Variants in EDA observed in about 807,000 individuals in gnomAD.
EDA encodes ectodysplasin-A.
EDA carries 2 observed loss-of-function variants against 23.6 expected under a neutral mutation model. The ratio of observed to expected loss-of-function variants is 0.08; its 90% CI spans 0.03 to 0.27. The LOEUF is 0.27. Ranked by LOEUF, EDA falls within the 10% of genes least tolerant of loss-of-function variation. The probability of loss-of-function intolerance (pLI) is 1.00; values close to 1 mark genes in which losing one functional copy is unlikely to be tolerated. For synonymous variants in EDA, 131 were observed against 132.0 expected (o/e 0.99, Z 0.05); for missense variants, 229 against 324.2 (o/e 0.71, Z 2.26).
intron 1 of EDA, among the ~76,000 whole-genome samples, chrX:69,898,910 G>A (rs2018059426): frequency 8.9e-6 from 1 of 111,880 alleles, no homozygotes; most frequent in Non-Finnish European, 1.9e-5. Flanking sequence ...AGGCTCTGAT[G>A]GAGACAGAGT....
At chrX:69,937,831 G>A in intron 1 of EDA, 1 of 1,194,235 alleles carries the variant, frequency 8.4e-7, no homozygotes, top group South Asian at 1.8e-5. Flanking sequence ...CGCAATAGTT[G>A]GTATTGATAG....
At chrX:69,820,924 G>T (rs2016203913) in intron 1 of EDA, among the ~76,000 whole-genome samples, 1 of 111,343 alleles carries the variant, frequency 9.0e-6, no homozygotes, top group African/African-American at 3.3e-5. Flanking sequence ...CTATTATAAA[G>T]ATACATGCAC....
intron 1 of EDA, chrX:69,861,157 T>A: frequency 6.1e-6 from 2 of 327,896 alleles, no homozygotes; most frequent in Non-Finnish European, 1.1e-5. Context: ...AAATTTGAGA[T>A]GTAAGACAGA....
chrX:69,956,937 C>A, intron 1 of EDA, 90 bp from the exon 2 acceptor site: 1 of 784,915 alleles, frequency 1.3e-6, no homozygotes, highest in Non-Finnish European at 2.0e-6. Flanking sequence ...ACTTAAGGTA[C>A]AGGTAGACTG....
intron 1 of EDA, among the ~76,000 whole-genome samples, chrX:69,819,213 G>A (rs910735263): frequency 1.8e-5 from 2 of 111,692 alleles, no homozygotes; most frequent in African/African-American, 3.3e-5. Flanking sequence ...TTGAAGGAAC[G>A]TACCTCAAAA....
chrX:69,740,428 T>G (rs1309289724), intron 1 of EDA, among the ~76,000 whole-genome samples: 4 of 109,914 alleles, frequency 3.6e-5, no homozygotes, highest in Non-Finnish European at 3.8e-5. Context: ...GTTGATGGTG[T>G]TTTTTTTTGT....
chrX:69,914,764 T>C (rs1455492716), intron 1 of EDA, among the ~76,000 whole-genome samples: 2 of 112,112 alleles, frequency 1.8e-5, no homozygotes, highest in Admixed American at 1.9e-4. Flanking sequence ...TAATATTCTT[T>C]CTCAGGCATT....
chrX:70,010,936 A>G (rs1455689407), intron 2 of EDA, among the ~76,000 whole-genome samples: 1 of 112,019 alleles, frequency 8.9e-6, no homozygotes, highest in Non-Finnish European at 1.9e-5. Context: ...CCCTCCCACA[A>G]CATGTGGGAA....
chrX:69,646,681 C>T (rs765180495), intron 1 of EDA, among the ~76,000 whole-genome samples: 2 of 111,823 alleles, frequency 1.8e-5, no homozygotes, highest in South Asian at 7.5e-4. Context: ...AGCCCATTTA[C>T]ATTTAAGATT....
chrX:69,961,031 A>AGAAAGAAAGAAAGAAAGAAAGAAAG (rs2019094072), intron 2 of EDA, among the ~76,000 whole-genome samples: 1 of 103,692 alleles, frequency 9.6e-6, no homozygotes, highest in Admixed American at 1.1e-4. Context: ...AAAAGAAAAA[A>AGAAAGAAAGAAAGAAAGAAAGAAAG]AAAGAAAGAA....
chrX:69,912,183 G>T (rs1032175000), intron 1 of EDA, among the ~76,000 whole-genome samples: 2 of 111,556 alleles, frequency 1.8e-5, no homozygotes, highest in African/African-American at 6.5e-5. Context: ...ACATCTTTGG[G>T]CTTCAGTTAT....
intron 1 of EDA, among the ~76,000 whole-genome samples, chrX:69,821,650 G>A (rs937988976): frequency 9.0e-6 from 1 of 111,723 alleles, no homozygotes; most frequent in African/African-American, 3.3e-5. Context: ...ATCTTGATGT[G>A]TATGTGTGTG....
chrX:69,776,359 A>G (rs1418815559), intron 1 of EDA, among the ~76,000 whole-genome samples: 1 of 111,387 alleles, frequency 9.0e-6, no homozygotes, highest in Non-Finnish European at 1.9e-5. Flanking sequence ...GGTGGAGATA[A>G]TTGAATCACG....
intron 1 of EDA, among the ~76,000 whole-genome samples, chrX:69,650,314 G>A (rs1933063567): frequency 8.9e-6 from 1 of 111,885 alleles, no homozygotes; most frequent in Non-Finnish European, 1.9e-5. Context: ...AACAGATAGT[G>A]TCTCTGACCC....
At chrX:69,740,004 T>A (rs1221834001) in intron 1 of EDA, among the ~76,000 whole-genome samples, 2 of 111,409 alleles carry the variant, frequency 1.8e-5, no homozygotes, top group Non-Finnish European at 3.8e-5. Context: ...CTTTATTTTT[T>A]CCTGTAGATT....
rs1219145871 is a variant in EDA, at chrX:69,882,551, T to C, written c.397-74476T>C. 3.6e-5 allele frequency among the ~76,000 whole-genome samples: 4 copies of C among 111,989 alleles called. No individual in the cohort carries two copies. In the East Asian group the frequency reaches 1.1e-3, roughly 31 times the overall value. On this transcript the variant is annotated intron_variant, in intron 1 of 7. Coordinates refer to ENST00000374552, the MANE Select transcript of EDA (RefSeq NM_001399.5). ...TTTTATGAGGTCCCCAGTAGAAGTG[T>C]TGATTGCCTGTTTAGTCACAGTGAG...
chrX:69,875,478 A>G (rs911565617), intron 1 of EDA, among the ~76,000 whole-genome samples: 8 of 112,205 alleles, frequency 7.1e-5, no homozygotes, highest in Non-Finnish European at 1.3e-4. Flanking sequence ...ACAAAAAATC[A>G]ACTCAAGATG....
intron 1 of EDA, among the ~76,000 whole-genome samples, chrX:69,802,865 A>G (rs868853536): frequency 2.7e-5 from 3 of 111,803 alleles, no homozygotes; most frequent in African/African-American, 9.7e-5. Flanking sequence ...AATGTCAAAA[A>G]CCTTGACCAC....
intron 1 of EDA, among the ~76,000 whole-genome samples, chrX:69,884,991 C>T (rs2017806535): frequency 8.9e-6 from 1 of 111,968 alleles, no homozygotes; most frequent in South Asian, 3.7e-4. Context: ...GCTATTATCT[C>T]TCTTTTCTAT....
Sources: gnomAD v4.1 joint callset for allele counts (sites outside exome capture counted in the v4.1 genomes callset) on GRCh38, gnomAD v4.1.1 for gene constraint, MANE v1.5 for transcripts, NCBI Gene and HGNC (gene_info 2026-07-23, HGNC 2026-07-21) for gene names.